The following ASNS variants were observed in gnomAD, a reference collection of about 807,000 sequenced individuals.
ASNS encodes asparagine synthetase [glutamine-hydrolyzing].
ASNS carries 37 observed loss-of-function variants against 62.6 expected under a neutral mutation model. That is an observed-to-expected ratio of 0.59 (90% CI 0.45 to 0.78). The LOEUF (loss-of-function observed/expected upper bound fraction) is 0.78, where lower values mean the gene tolerates loss of function less well. ASNS is among the 30% of genes least tolerant of loss of function. ASNS has a pLI of 0.00. For synonymous variants in ASNS, 207 were observed against 237.9 expected (o/e 0.87, Z 1.19); for missense variants, 520 against 682.4 (o/e 0.76, Z 2.65).
chr7:97,858,136 A>C, intron 7 of ASNS, 142 bp downstream of exon 7: 4 of 1,148,224 alleles, frequency 3.5e-6, no homozygotes, highest in Middle Eastern at 3.0e-4. Flanking sequence ...CAGCCATTTC[A>C]TTCTATTTTA....
the ASNS span, among the ~76,000 whole-genome samples, chr7:97,921,229 T>G: frequency 6.6e-6 from 1 of 152,132 alleles, no homozygotes; most frequent in South Asian, 2.1e-4. Flanking sequence ...GACTCATGGC[T>G]GCCTGGGACG....
At chr7:97,867,641 A>T (rs902423110) in intron 3 of ASNS, among the ~76,000 whole-genome samples, 2 of 152,226 alleles carry the variant, frequency 1.3e-5, no homozygotes. Context: ...CTTAGAAAAA[A>T]TTTTTAATAC....
chr7:97,914,173 T>C, the ASNS span, among the ~76,000 whole-genome samples: 5 of 150,678 alleles, frequency 3.3e-5, no homozygotes, highest in African/African-American at 1.2e-4. Flanking sequence ...GATGGATGGA[T>C]GGATGGATGG....
upstream of ASNS, among the ~76,000 whole-genome samples, chr7:97,872,895 G>GTTC (rs1462605497): frequency 6.6e-6 from 1 of 152,206 alleles, no homozygotes; most frequent in Non-Finnish European, 1.5e-5. Context: ...GAAACCAGGA[G>GTTC]TTCAAGACCA....
rs1387738330 is a variant in ASNS, at chr7:97,855,465, A to G, written c.1031-6T>C. The stretch of plus-strand genomic sequence containing the variant: ...CTTGGAAATTAAATACATACCTTAA[A>G]TGAGAGAGAGAAATTAACTTTAATG... On this transcript the variant is annotated splice_polypyrimidine_tract_variant and splice_region_variant and intron_variant, in intron 8 of 12. Transcript: ENST00000394308. The G allele has an allele frequency of 6.3e-7, 1 of 1,590,834 alleles. No individual in the cohort carries two copies. Among genetic ancestry groups the G allele is most frequent in the Non-Finnish European group, 8.6e-7 (1 of 1,162,936 alleles).
At chr7:97,928,384 G>T in the ASNS span, 2 of 729,832 alleles carry the variant, frequency 2.7e-6, no homozygotes, top group South Asian at 3.7e-5. Flanking sequence ...CTGAGCGCGG[G>T]CTCGGAGGGT....
chr7:97,920,867 A>G, the ASNS span, among the ~76,000 whole-genome samples: 52 of 152,274 alleles, frequency 3.4e-4, no homozygotes, highest in African/African-American at 1.1e-3. Context: ...GCTTGCAGAA[A>G]CCATTCTTTT....
At chr7:97,904,097 G>C in the ASNS span, among the ~76,000 whole-genome samples, 1 of 152,000 alleles carries the variant, frequency 6.6e-6, no homozygotes, top group South Asian at 2.1e-4. Context: ...TTCTATTAAG[G>C]GGTGTTAGGA....
the ASNS span, among the ~76,000 whole-genome samples, chr7:97,888,326 C>CTT: frequency 1.7e-4 from 23 of 132,434 alleles, no homozygotes; most frequent in African/African-American, 3.3e-4. Flanking sequence ...GGGTTGCTTT[C>CTT]TTTTTTTTTT....
At chr7:97,858,183 A>G (rs1294027494) in intron 7 of ASNS, 95 bp downstream of exon 7, 3 of 1,491,136 alleles carry the variant, frequency 2.0e-6, no homozygotes, top group East Asian at 2.3e-5. Flanking sequence ...CAGTCAATAC[A>G]GCAGCAGTAG....
the ASNS span, among the ~76,000 whole-genome samples, chr7:97,895,063 C>CA: frequency 6.6e-6 from 1 of 152,208 alleles, no homozygotes; most frequent in Admixed American, 6.5e-5. Flanking sequence ...AAAGATGGCT[C>CA]AACATACACA....
At chr7:97,912,417 C>T in the ASNS span, among the ~76,000 whole-genome samples, 1 of 152,054 alleles carries the variant, frequency 6.6e-6, no homozygotes, top group Non-Finnish European at 1.5e-5. Context: ...CCCAAAGTGG[C>T]TCCCCCATTT....
At chr7:97,864,569 G>T in intron 3 of ASNS, 73 bp from the exon 4 acceptor site, 1 of 1,045,848 alleles carries the variant, frequency 9.6e-7, no homozygotes, top group Non-Finnish European at 1.5e-6. Context: ...TTGCAAAGAT[G>T]CTTCAGTATT....
chr7:97,860,533 C>G (rs766236768), intron 4 of ASNS, among the ~76,000 whole-genome samples: 3 of 152,134 alleles, frequency 2.0e-5, no homozygotes, highest in Non-Finnish European at 4.4e-5. Context: ...ACTAGAAATG[C>G]CTGAAAATAA....
At chr7:97,907,637 C>T in the ASNS span, among the ~76,000 whole-genome samples, 4 of 151,866 alleles carry the variant, frequency 2.6e-5, no homozygotes, top group East Asian at 7.8e-4. Flanking sequence ...GGCATGGAGG[C>T]GGGCGCCTGT....
At chr7:97,898,386 A>G in the ASNS span, 12 of 531,772 alleles carry the variant, frequency 2.3e-5, no homozygotes, top group Admixed American at 5.4e-5. Flanking sequence ...AGCTCATTCA[A>G]CTTTAGCATG....
rs75446429 is a variant in ASNS, at chr7:97,861,479, T to C, written c.488-2081A>G. On this transcript the variant is annotated intron_variant, in intron 4 of 12. Coordinates refer to ENST00000394308, the MANE Select transcript of ASNS (RefSeq NM_001673.5). Reference sequence around the variant, plus strand: ...GTCAAAAATAAGTTGATCATATATGTATGGGTTCATTTCTGACTCTCAATT... The same window carrying C: ...GTCAAAAATAAGTTGATCATATATGCATGGGTTCATTTCTGACTCTCAATT... Among the ~76,000 whole-genome samples the C allele has an allele frequency of 2.1e-3, 315 of 152,356 alleles. 3 individuals carry two copies. The highest frequency in any genetic ancestry group is 7.1e-3 in the African/African-American group (294 of 41,586).
At position 97,852,460 on chromosome 7, in the gene ASNS, A is replaced by G. The variant is rs1303939448; in HGVS notation, c.1485T>C (p.Asp495=). 6.2e-7 allele frequency: 1 copy of G among 1,614,160 alleles called. No homozygotes were observed. Among genetic ancestry groups the G allele is most frequent in the Non-Finnish European group, 8.5e-7 (1 of 1,179,996 alleles). ...TCTGGGCTGCATTTGCCATCATTGCATCATCAACCTGTAAGAATAAGCATA... is the reference window on the plus strand; with the variant it reads ...TCTGGGCTGCATTTGCCATCATTGCGTCATCAACCTGTAAGAATAAGCATA... ...LQEYVEHQVD[D]AMMANAAQKF... Residue 495 remains aspartate (D), a synonymous_variant, in exon 13 of 13, where the codon GAT becomes GAC. Coordinates refer to ENST00000394308, the MANE Select transcript of ASNS (RefSeq NM_001673.5).
intron 1 of ASNS, among the ~76,000 whole-genome samples, chr7:97,871,435 G>C (rs539296220): frequency 2.6e-4 from 39 of 151,860 alleles, no homozygotes; most frequent in Non-Finnish European, 1.0e-4. Context: ...ACCAACTACA[G>C]ACAGGTTCAA....
Sources: gnomAD v4.1 joint callset for allele counts (sites outside exome capture counted in the v4.1 genomes callset) on GRCh38, gnomAD v4.1.1 for gene constraint, MANE v1.5 for transcripts, NCBI Gene and HGNC (gene_info 2026-07-23, HGNC 2026-07-21) for gene names.